Variants in ABTB3 observed in about 807,000 individuals in gnomAD.
The protein encoded by ABTB3 is ankyrin repeat and BTB domain containing 3, also known as ankyrin repeat- and BTB/POZ domain-containing protein 3.
the ABTB3 span, among the ~76,000 whole-genome samples, chr12:107,519,015 C>A: frequency 9.9e-5 from 15 of 152,234 alleles, no homozygotes; most frequent in Admixed American, 9.8e-4. Context: ...ATATCCTCAA[C>A]CCCAAACGCA....
chr12:107,550,659 C>T, the ABTB3 span, among the ~76,000 whole-genome samples: 1 of 150,182 alleles, frequency 6.7e-6, no homozygotes, highest in Non-Finnish European at 1.5e-5. Context: ...CGGCTCACTG[C>T]AACCTCCGCC....
the ABTB3 span, among the ~76,000 whole-genome samples, chr12:107,563,925 G>T: frequency 6.6e-6 from 1 of 152,288 alleles, no homozygotes; most frequent in East Asian, 1.9e-4. Context: ...TGGCCAGGCT[G>T]AAAAATCTGT....
chr12:107,635,209 A>T, the ABTB3 span: 1 of 1,288,708 alleles, frequency 7.8e-7, no homozygotes, highest in Non-Finnish European at 1.1e-6. Flanking sequence ...ACCTGGAGGG[A>T]CGCATTCCTG....
the ABTB3 span, among the ~76,000 whole-genome samples, chr12:107,496,085 G>A: frequency 1.3e-5 from 2 of 152,160 alleles, no homozygotes; most frequent in Admixed American, 6.5e-5. Flanking sequence ...TAATACCACT[G>A]CTAGGATAAG....
chr12:107,448,997 C>G, the ABTB3 span, among the ~76,000 whole-genome samples: 1 of 152,228 alleles, frequency 6.6e-6, no homozygotes, highest in Non-Finnish European at 1.5e-5. Context: ...AGGTGCAGTT[C>G]TGACAAGTAA....
At chr12:107,615,162 G>A in the ABTB3 span, 1 of 1,608,742 alleles carries the variant, frequency 6.2e-7, no homozygotes, top group African/African-American at 1.3e-5. Flanking sequence ...CTGTAGTTCA[G>A]GTATTAACGT....
chr12:107,383,103 G>A, the ABTB3 span, among the ~76,000 whole-genome samples: 2 of 152,100 alleles, frequency 1.3e-5, no homozygotes, highest in African/African-American at 2.4e-5. Flanking sequence ...CCCACTCTGA[G>A]GATCATTCCA....
At chr12:107,635,442 G>A in the ABTB3 span, 101 of 1,549,710 alleles carry the variant, frequency 6.5e-5, no homozygotes, top group Middle Eastern at 1.1e-3. Context: ...ATTTAAGGAC[G>A]AGGAGCCAAA....
chr12:107,609,650 A>C, the ABTB3 span, among the ~76,000 whole-genome samples: 5 of 152,220 alleles, frequency 3.3e-5, no homozygotes, highest in Admixed American at 1.3e-4. Flanking sequence ...AGAAGTCCCC[A>C]GCCTAGAGCA....
chr12:107,319,668 G>A, the ABTB3 span: 3 of 1,536,526 alleles, frequency 2.0e-6, no homozygotes, highest in South Asian at 3.6e-5. Flanking sequence ...TGCATGGAGA[G>A]CCTCTTCCGG....
the ABTB3 span, among the ~76,000 whole-genome samples, chr12:107,360,334 A>G: frequency 1.3e-5 from 2 of 152,186 alleles, no homozygotes; most frequent in Non-Finnish European, 2.9e-5. Context: ...GGATTAGGGT[A>G]TGGACCATCT....
chr12:107,334,313 G>A, the ABTB3 span, among the ~76,000 whole-genome samples: 2 of 152,122 alleles, frequency 1.3e-5, no homozygotes, highest in Non-Finnish European at 2.9e-5. Context: ...TAGCCAGGGT[G>A]GTAGCAGTGG....
the ABTB3 span, among the ~76,000 whole-genome samples, chr12:107,472,557 C>G: frequency 6.6e-6 from 1 of 152,166 alleles, no homozygotes; most frequent in Non-Finnish European, 1.5e-5. Flanking sequence ...AAAATGGAGC[C>G]AGGAAACAGA....
At chr12:107,364,798 G>A in the ABTB3 span, among the ~76,000 whole-genome samples, 2 of 152,322 alleles carry the variant, frequency 1.3e-5, no homozygotes, top group Admixed American at 1.3e-4. Flanking sequence ...ATGGCATGCA[G>A]TACGTGTAAG....
the ABTB3 span, among the ~76,000 whole-genome samples, chr12:107,654,402 G>C: frequency 1.3e-5 from 2 of 152,054 alleles, no homozygotes; most frequent in Non-Finnish European, 2.9e-5. Flanking sequence ...AGGTTCAAGC[G>C]ATTCTCCTGC....
chr12:107,552,800 TC>T, the ABTB3 span, among the ~76,000 whole-genome samples: 1 of 152,148 alleles, frequency 6.6e-6, no homozygotes, highest in Non-Finnish European at 1.5e-5. Flanking sequence ...TCTAGCTACC[TC>T]CTTAAGTTCA....
At chr12:107,573,737 G>A in the ABTB3 span, among the ~76,000 whole-genome samples, 1 of 152,178 alleles carries the variant, frequency 6.6e-6, no homozygotes, top group Admixed American at 6.6e-5. Flanking sequence ...TGCAGCTCAA[G>A]TTCAAATGTA....
At chr12:107,620,177 T>C in the ABTB3 span, 1 of 1,613,170 alleles carries the variant, frequency 6.2e-7, no homozygotes, top group South Asian at 1.1e-5. Context: ...ATGTGGGGTT[T>C]GAGGTTGTTG....
the ABTB3 span, among the ~76,000 whole-genome samples, chr12:107,490,291 T>C: frequency 6.6e-6 from 1 of 152,290 alleles, no homozygotes; most frequent in African/African-American, 2.4e-5. Flanking sequence ...GCACATATCA[T>C]GGGCAAGGAG....
Sources: gnomAD v4.1 joint callset for allele counts (sites outside exome capture counted in the v4.1 genomes callset) on GRCh38, gnomAD v4.1.1 for gene constraint, MANE v1.5 for transcripts, NCBI Gene and HGNC (gene_info 2026-07-23, HGNC 2026-07-21) for gene names.